Variants in PDE7B observed in about 807,000 individuals in gnomAD.
PDE7B encodes phosphodiesterase 7B.
PDE7B carries 29 observed loss-of-function variants against 56.2 expected under a neutral mutation model. The observed-to-expected ratio is 0.52, with a 90% confidence interval of 0.38 to 0.70. The LOEUF is 0.70. Among genes scored for constraint, PDE7B ranks in the 30% least tolerant of loss-of-function variants. The pLI is 0.00. For synonymous variants in PDE7B, 197 were observed against 196.9 expected, an observed-to-expected ratio of 1.00 and a Z score of 0.00; for missense variants, 490 against 565.0, an observed-to-expected ratio of 0.87 and a Z score of 1.35.
chr6:135,955,849 C>T (rs989219969), intron 2 of PDE7B, among the ~76,000 whole-genome samples: 3 of 152,120 alleles, frequency 2.0e-5, no homozygotes, highest in Non-Finnish European at 2.9e-5. Context: ...TTAAACAGAT[C>T]GAGATACTGC....
In PDE7B at chr6:135,935,105, A is replaced by C. The variant is rs1467670580; in HGVS notation, c.22-12359A>C. On this transcript the variant is annotated intron_variant, in intron 1 of 12. Coordinates refer to ENST00000308191, the MANE Select transcript of PDE7B (RefSeq NM_018945.4). ...ATAAATATATAATATATATTTCTCTATATATTTTATATAGAGAGAGATGAA... is the reference window on the plus strand; with the variant it reads ...ATAAATATATAATATATATTTCTCTCTATATTTTATATAGAGAGAGATGAA... Among the ~76,000 whole-genome samples the C allele has an allele frequency of 4.3e-5, 4 of 93,270 alleles. No individual in the cohort carries two copies. In the Admixed American group the frequency reaches 6.0e-4, roughly 14 times the overall value. The allele number at this position is 93,270 out of a possible 152,430, so 61.2% of individuals were successfully genotyped here.
At chr6:136,121,836 G>C (rs1019134092) in intron 3 of PDE7B, among the ~76,000 whole-genome samples, 38 of 152,260 alleles carry the variant, frequency 2.5e-4, no homozygotes, top group African/African-American at 9.1e-4. Flanking sequence ...TACGTTTAAA[G>C]GGTGAGCACC....
At position 136,056,520 on chromosome 6, in the gene PDE7B, T is replaced by C. The variant is rs891758811; in HGVS notation, c.83-52211T>C. On this transcript the variant is annotated intron_variant, in intron 2 of 12. Coordinates refer to ENST00000308191, the MANE Select transcript of PDE7B (RefSeq NM_018945.4). The stretch of plus-strand genomic sequence containing the variant: ...CCTTTGCAGATAGAATCCTTTTTTT[T>C]TTTTTTTTTTTTTTTTTTTTTTTTT... Among the ~76,000 whole-genome samples, 4 of 105,704 alleles carry C rather than the reference T, an allele frequency of 3.8e-5. No homozygotes were observed. In the East Asian group the frequency reaches 1.1e-3, roughly 30 times the overall value. The allele number at this position is 105,704 out of a possible 152,430, so 69.3% of individuals were successfully genotyped here. A position where few individuals can be genotyped will look rare whatever the true frequency, so the allele number is the denominator to read the frequency against.
chr6:136,080,133 C>A (rs1777183252), intron 2 of PDE7B, among the ~76,000 whole-genome samples: 1 of 152,100 alleles, frequency 6.6e-6, no homozygotes, highest in Non-Finnish European at 1.5e-5. Flanking sequence ...AAATAAATAA[C>A]CCTCTCCCCC....
At chr6:135,937,557 T>G (rs139215021) in intron 1 of PDE7B, among the ~76,000 whole-genome samples, 2 of 152,360 alleles carry the variant, frequency 1.3e-5, no homozygotes, top group East Asian at 3.9e-4. Context: ...GAAGACTTGT[T>G]TAATACTAGT....
At chr6:136,108,352 A>G (rs1256264389) in intron 2 of PDE7B, among the ~76,000 whole-genome samples, 1 of 152,182 alleles carries the variant, frequency 6.6e-6, no homozygotes, top group Non-Finnish European at 1.5e-5. Context: ...GAAAAATTAT[A>G]GTCTGGGTGA....
In PDE7B at chr6:136,113,775, G is replaced by A. The variant is rs1242824869; in HGVS notation, c.166+4961G>A. 2.0e-5 allele frequency among the ~76,000 whole-genome samples: 3 copies of A among 152,202 alleles called. No homozygotes were observed. The East Asian group carries it at 5.8e-4, about 29-fold the overall frequency. On this transcript the variant is annotated intron_variant, in intron 3 of 12. Coordinates refer to ENST00000308191, the MANE Select transcript of PDE7B (RefSeq NM_018945.4). ...GTGTTCTGAGACTTGTGGACCCAGAGGGGAGAGTTGCAGAAGCAATTACAA... is the reference window on the plus strand; with the variant it reads ...GTGTTCTGAGACTTGTGGACCCAGAAGGGAGAGTTGCAGAAGCAATTACAA...
intron 2 of PDE7B, among the ~76,000 whole-genome samples, chr6:135,974,984 A>G (rs1367653817): frequency 6.6e-6 from 1 of 152,010 alleles, no homozygotes; most frequent in Non-Finnish European, 1.5e-5. Context: ...GAGGTGCAAG[A>G]GTGAGTGAAG....
At chr6:136,035,947 C>G (rs1776320128) in intron 2 of PDE7B, among the ~76,000 whole-genome samples, 1 of 152,020 alleles carries the variant, frequency 6.6e-6, no homozygotes, top group Non-Finnish European at 1.5e-5. Context: ...GTCAGGATAT[C>G]CTGATGCTAA....
At chr6:136,143,807 T>G (rs1211446796) in intron 3 of PDE7B, among the ~76,000 whole-genome samples, 1 of 152,238 alleles carries the variant, frequency 6.6e-6, no homozygotes, top group South Asian at 2.1e-4. Context: ...TGTCATTATC[T>G]TAACTATGAA....
intron 1 of PDE7B, among the ~76,000 whole-genome samples, chr6:135,929,116 G>A (rs1774251537): frequency 6.6e-6 from 1 of 152,044 alleles, no homozygotes; most frequent in Admixed American, 6.6e-5. Flanking sequence ...GCACAGTGTT[G>A]GTGTGGTAAA....
At chr6:135,960,907 C>T (rs1774888843) in intron 2 of PDE7B, among the ~76,000 whole-genome samples, 1 of 152,148 alleles carries the variant, frequency 6.6e-6, no homozygotes, top group Non-Finnish European at 1.5e-5. Flanking sequence ...AGATGTAGTT[C>T]ATTCTTATTT....
intron 2 of PDE7B, among the ~76,000 whole-genome samples, chr6:136,057,958 A>C (rs1297888866): frequency 6.6e-5 from 10 of 152,124 alleles, no homozygotes; most frequent in Non-Finnish European, 1.5e-5. Flanking sequence ...GCTGGTCTCG[A>C]ACTCCTGACC....
At chr6:135,916,479 G>A (rs999546064) in intron 1 of PDE7B, among the ~76,000 whole-genome samples, 3 of 127,556 alleles carry the variant, frequency 2.4e-5, no homozygotes, top group African/African-American at 6.0e-5. Context: ...TGCACCCTCC[G>A]CCTCCTGGGT....
chr6:136,121,370 C>T (rs563337430), intron 3 of PDE7B, among the ~76,000 whole-genome samples: 3 of 152,300 alleles, frequency 2.0e-5, no homozygotes, highest in African/African-American at 4.8e-5. Flanking sequence ...TCCCCATCTC[C>T]CATCTTCTTT....
At chr6:136,143,836 C>G (rs1204586318) in intron 3 of PDE7B, among the ~76,000 whole-genome samples, 1 of 152,008 alleles carries the variant, frequency 6.6e-6, no homozygotes, top group Non-Finnish European at 1.5e-5. Flanking sequence ...AAGTACTACA[C>G]TACTTGGAAA....
intron 3 of PDE7B, among the ~76,000 whole-genome samples, chr6:136,111,789 G>T (rs1233293726): frequency 6.6e-6 from 1 of 152,168 alleles, no homozygotes; most frequent in Non-Finnish European, 1.5e-5. Context: ...TACACTGTAA[G>T]AGCTGAACTA....
chr6:136,187,612 C>G (rs1198182415), intron 12 of PDE7B, among the ~76,000 whole-genome samples: 1 of 152,164 alleles, frequency 6.6e-6, no homozygotes, highest in East Asian at 1.9e-4. Context: ...GTCCTTCCTT[C>G]AAAACTTATT....
At position 136,173,849 on chromosome 6, in the gene PDE7B, G is replaced by C. The variant is rs1468001470; in HGVS notation, c.764G>C (p.Arg255Pro). Reference sequence around the variant, plus strand: ...TGGCGATCTACAATTGGCATGCTTCGAGAATCAAGGCTTCTTGCTCATTTG... The same window carrying C: ...TGGCGATCTACAATTGGCATGCTTCCAGAATCAAGGCTTCTTGCTCATTTG... ...HHWRSTIGML[R>P]ESRLLAHLPK... Residue 255 changes from arginine to proline, a missense_variant, in exon 9 of 13, where the codon CGA (arginine) becomes CCA (proline). By Grantham distance (103) the Arg-to-Pro change is moderately radical. Transcript: ENST00000308191. 1.2e-6 allele frequency: 2 copies of C among 1,612,862 alleles called. No individual in the cohort carries two copies. Among genetic ancestry groups the C allele is most frequent in the Non-Finnish European group, 8.5e-7 (1 of 1,179,044 alleles).
Sources: gnomAD v4.1 joint callset for allele counts (sites outside exome capture counted in the v4.1 genomes callset) on GRCh38, gnomAD v4.1.1 for gene constraint, MANE v1.5 for transcripts, NCBI Gene and HGNC (gene_info 2026-07-23, HGNC 2026-07-21) for gene names.